Variants in LRBA observed in about 807,000 individuals in gnomAD.
LRBA encodes the protein LPS responsive beige-like anchor protein.
Under a neutral mutation model 330.0 loss-of-function variants are expected in LRBA, and 176 were observed. The observed-to-expected ratio is 0.53, with a 90% CI of 0.47 to 0.60. LRBA has a LOEUF of 0.60. Among genes scored for constraint, LRBA ranks in the 20% least tolerant of loss-of-function variants. The probability of loss-of-function intolerance (pLI) is 0.00; values close to 1 mark genes in which losing one functional copy is unlikely to be tolerated. For missense variants in LRBA, 3,259 were observed against 3,444.8 expected, an observed-to-expected ratio of 0.95 and a Z score of 1.35; for synonymous variants, 1,230 against 1,193.0, an observed-to-expected ratio of 1.03 and a Z score of -0.64.
At chr4:150,666,633 G>A (rs1314362967) in intron 37 of LRBA, among the ~76,000 whole-genome samples, 1 of 152,160 alleles carries the variant, frequency 6.6e-6, no homozygotes, top group Non-Finnish European at 1.5e-5. Context: ...ATATATGTAA[G>A]CTATATGCAA....
intron 40 of LRBA, among the ~76,000 whole-genome samples, chr4:150,562,217 T>C (rs1768447658): frequency 6.6e-6 from 1 of 152,218 alleles, no homozygotes; most frequent in Non-Finnish European, 1.5e-5. Flanking sequence ...CCAATCAACA[T>C]ATAATATTCT....
At chr4:150,920,223 A>C (rs1733092126) in intron 5 of LRBA, among the ~76,000 whole-genome samples, 1 of 152,232 alleles carries the variant, frequency 6.6e-6, no homozygotes, top group Non-Finnish European at 1.5e-5. Flanking sequence ...AGATAAGCTC[A>C]GGAAAAGAAT....
intron 2 of LRBA, among the ~76,000 whole-genome samples, chr4:151,005,476 C>T (rs1274091681): frequency 6.9e-6 from 1 of 144,518 alleles, no homozygotes; most frequent in Non-Finnish European, 1.5e-5. Context: ...CCTGTATATA[C>T]CACATTAGAT....
chr4:150,278,934 C>T (rs1747159772), intron 55 of LRBA, among the ~76,000 whole-genome samples: 1 of 152,028 alleles, frequency 6.6e-6, no homozygotes, highest in Non-Finnish European at 1.5e-5. Flanking sequence ...AAGTGATTCT[C>T]ATACCTCAAC....
intron 44 of LRBA, among the ~76,000 whole-genome samples, chr4:150,458,784 GTT>G (rs200385223): frequency 1.6e-3 from 225 of 144,986 alleles, no homozygotes; most frequent in African/African-American, 5.0e-3. Context: ...ATTTATTCTA[GTT>G]TTTTTTTTTT....
intron 40 of LRBA, among the ~76,000 whole-genome samples, chr4:150,564,506 G>A (rs892510278): frequency 9.2e-5 from 14 of 152,054 alleles, no homozygotes; most frequent in Non-Finnish European, 1.9e-4. Context: ...AACACCAAAA[G>A]CAATGACAAC....
At chr4:150,506,575 T>A (rs574925796) in intron 40 of LRBA, among the ~76,000 whole-genome samples, 17 of 152,260 alleles carry the variant, frequency 1.1e-4, no homozygotes, top group East Asian at 3.9e-4. Flanking sequence ...ATGGGACATA[T>A]CTCAAAATAA....
At chr4:150,527,477 G>A (rs1435274970) in intron 40 of LRBA, among the ~76,000 whole-genome samples, 7 of 152,152 alleles carry the variant, frequency 4.6e-5, no homozygotes, top group African/African-American at 1.4e-4. Flanking sequence ...TTTATTAAAG[G>A]ATGAGCATTA....
chr4:150,813,571 A>T (rs1397165759), intron 31 of LRBA, among the ~76,000 whole-genome samples: 1 of 152,138 alleles, frequency 6.6e-6, no homozygotes, highest in Non-Finnish European at 1.5e-5. Flanking sequence ...TTTCAGTGAT[A>T]ATATTTTCAT....
intron 47 of LRBA, among the ~76,000 whole-genome samples, chr4:150,402,157 A>G (rs1048716050): frequency 1.8e-4 from 27 of 150,154 alleles, no homozygotes; most frequent in African/African-American, 6.6e-4. Context: ...TCTGTGTGCT[A>G]TTTTTTTCTT....
At position 150,302,612 on chromosome 4, in the gene LRBA, G is replaced by T; in HGVS notation, c.8017+13C>A. On this transcript the variant is annotated intron_variant, in intron 53 of 56. Coordinates refer to ENST00000651943, the MANE Select transcript of LRBA (RefSeq NM_001364905.1). ...CCTTGTAAAAGTTTACTTAAAAAAT[G>T]AGTCATACTTACTGCCTGGGTTATC... 6.3e-7 allele frequency: 1 copy of T among 1,582,376 alleles called. No homozygotes were observed.
chr4:150,283,992 C>T (rs1468496910), intron 54 of LRBA, among the ~76,000 whole-genome samples: 1 of 151,954 alleles, frequency 6.6e-6, no homozygotes, highest in Non-Finnish European at 1.5e-5. Flanking sequence ...AATGGATAAT[C>T]AAAAAGGGGT....
intron 38 of LRBA, among the ~76,000 whole-genome samples, chr4:150,592,156 T>G (rs1027076266): frequency 2.1e-5 from 3 of 143,010 alleles, no homozygotes; most frequent in African/African-American, 7.8e-5. Flanking sequence ...TTTTTTTTTT[T>G]TTTTTTTTTT....
intron 35 of LRBA, among the ~76,000 whole-genome samples, chr4:150,754,738 T>C (rs958702795): frequency 1.3e-5 from 2 of 152,066 alleles, no homozygotes; most frequent in Non-Finnish European, 2.9e-5. Flanking sequence ...AGGCAAGAAC[T>C]TATCTCTTAA....
intron 42 of LRBA, among the ~76,000 whole-genome samples, chr4:150,481,518 A>G (rs1317428201): frequency 6.6e-6 from 1 of 152,102 alleles, no homozygotes; most frequent in African/African-American, 2.4e-5. Context: ...CACCACAACC[A>G]AGATACACTC....
chr4:150,751,000 T>C (rs1203544642), intron 35 of LRBA, among the ~76,000 whole-genome samples: 2 of 151,926 alleles, frequency 1.3e-5, no homozygotes, highest in East Asian at 3.8e-4. Context: ...TCAGGTAGGC[T>C]ATACCCCATC....
chr4:150,675,436 G>A (rs1392790540), intron 37 of LRBA, among the ~76,000 whole-genome samples: 2 of 152,062 alleles, frequency 1.3e-5, no homozygotes, highest in Admixed American at 6.6e-5. Flanking sequence ...ACTTGGCACA[G>A]GGCTGGGCGC....
At chr4:150,815,881 A>C (rs1429549676) in intron 31 of LRBA, among the ~76,000 whole-genome samples, 1 of 152,074 alleles carries the variant, frequency 6.6e-6, no homozygotes, top group East Asian at 1.9e-4. Context: ...TACTTAACCT[A>C]CTGGAACATT....
At chr4:150,999,250 A>C (rs539565003) in intron 2 of LRBA, among the ~76,000 whole-genome samples, 22 of 152,234 alleles carry the variant, frequency 1.4e-4, no homozygotes, top group African/African-American at 5.3e-4. Context: ...CCTTTTTAGA[A>C]ACAAACAAAA....
Sources: allele counts gnomAD v4.1 joint callset (sites outside exome capture counted in the v4.1 genomes callset), GRCh38; gene constraint gnomAD v4.1.1; transcripts MANE v1.5; gene names NCBI Gene and HGNC (gene_info 2026-07-23, HGNC 2026-07-21).